Variants in PTPRN2 observed in about 807,000 individuals in gnomAD.
PTPRN2 encodes receptor-type tyrosine-protein phosphatase N2.
A neutral mutation model predicts 118.8 loss-of-function variants in PTPRN2; 74 were observed. That is an observed-to-expected ratio of 0.62 (90% confidence interval 0.52 to 0.76). The LOEUF (loss-of-function observed/expected upper bound fraction) is 0.76. Ranked by LOEUF, PTPRN2 falls within the 30% of genes least tolerant of loss-of-function variation. The pLI is 0.00. For missense variants in PTPRN2, 1,481 were observed against 1,394.4 expected (o/e 1.06, Z -0.99); for synonymous variants, 641 against 608.0 (o/e 1.05, Z -0.80).
intron 1 of PTPRN2, among the ~76,000 whole-genome samples, chr7:158,492,783 A>G (rs150101875): frequency 2.0e-3 from 306 of 152,396 alleles, no homozygotes; most frequent in African/African-American, 7.0e-3. Flanking sequence ...TAAATCATCC[A>G]GAGAAAAGAC....
Position 158,530,301 on chromosome 7 carries a change from T to C in PTPRN2, c.113-40516A>G, listed in dbSNP as rs146216486. On this transcript the variant is annotated intron_variant, in intron 1 of 22. Transcript: ENST00000389418. The stretch of plus-strand genomic sequence containing the variant: ...CAATGAAATTGAATCCAAAATTATT[T>C]TTTGTTTCTCTTCAATACTGATGCT... Among the ~76,000 whole-genome samples the C allele has an allele frequency of 2.7e-3, 416 of 152,332 alleles. 3 individuals carry two copies. The highest frequency in any genetic ancestry group is 9.5e-3 in the African/African-American group (393 of 41,562).
intron 21 of PTPRN2, among the ~76,000 whole-genome samples, chr7:157,556,688 C>T (rs1021816983): frequency 6.6e-6 from 1 of 150,576 alleles, no homozygotes; most frequent in African/African-American, 2.4e-5. Flanking sequence ...GTCACATACA[C>T]ACATGCCCAC....
intron 11 of PTPRN2, among the ~76,000 whole-genome samples, chr7:158,008,501 C>A (rs1805822907): frequency 6.6e-6 from 1 of 152,200 alleles, no homozygotes; most frequent in South Asian, 2.1e-4. Context: ...GCGGAAACAC[C>A]CTCAGGTGCT....
intron 3 of PTPRN2, among the ~76,000 whole-genome samples, chr7:158,306,757 A>C (rs912983228): frequency 2.0e-5 from 3 of 152,222 alleles, no homozygotes; most frequent in Admixed American, 6.5e-5. Flanking sequence ...CATTCAAAGA[A>C]ACATGCAAAT....
intron 12 of PTPRN2, among the ~76,000 whole-genome samples, chr7:157,828,854 C>T (rs1373567558): frequency 6.6e-6 from 1 of 152,226 alleles, no homozygotes; most frequent in Non-Finnish European, 1.5e-5. Flanking sequence ...GTTTTATTTG[C>T]GTAACCCCCT....
rs1255792359 is a variant in PTPRN2, at chr7:158,206,115, G to A, written c.278-842C>T. ...CTAGCTGGCACAACTAAGGGTGCTA[G>A]TGTCACCCTTCCCTCAACCCTAGGC... On this transcript the variant is annotated intron_variant, in intron 3 of 22. Coordinates refer to ENST00000389418, the MANE Select transcript of PTPRN2 (RefSeq NM_002847.5). 1.3e-5 allele frequency among the ~76,000 whole-genome samples: 2 copies of A among 152,182 alleles called. 1 individual carries two copies. Among genetic ancestry groups the A allele is most frequent in the Non-Finnish European group, 2.9e-5 (2 of 68,026 alleles).
intron 3 of PTPRN2, among the ~76,000 whole-genome samples, chr7:158,250,405 T>C (rs7807015): frequency 0.8 from 122,247 of 152,080 alleles, 49,537 homozygotes; most frequent in African/African-American, 0.9. Flanking sequence ...TGAAATGGTA[T>C]CAAAACAAGG....
At chr7:158,523,288 G>A (rs1054729567) in intron 1 of PTPRN2, among the ~76,000 whole-genome samples, 5 of 152,176 alleles carry the variant, frequency 3.3e-5, no homozygotes, top group African/African-American at 1.2e-4. Context: ...CACGGTGAGG[G>A]CTGGTGCGGA....
chr7:158,068,916 T>C (rs1810993455), intron 11 of PTPRN2, among the ~76,000 whole-genome samples: 2 of 152,216 alleles, frequency 1.3e-5, no homozygotes, highest in South Asian at 2.1e-4. Context: ...TAATTGTACA[T>C]CCACCTTTAA....
At chr7:158,331,229 C>T (rs370161100) in intron 2 of PTPRN2, among the ~76,000 whole-genome samples, 95 of 145,298 alleles carry the variant, frequency 6.5e-4, no homozygotes, top group Admixed American at 1.1e-3. Context: ...TAAGAGCTGA[C>T]GCCCGCAGAC....
chr7:158,475,091 T>C (rs1733125), intron 2 of PTPRN2, among the ~76,000 whole-genome samples: 105,135 of 151,942 alleles, frequency 0.69, 36,638 homozygotes, highest in Admixed American at 0.78. Context: ...AACCTTCTCA[T>C]GCAGAAGAGC....
At chr7:157,759,322 T>G (rs1801997207) in intron 12 of PTPRN2, among the ~76,000 whole-genome samples, 2 of 152,228 alleles carry the variant, frequency 1.3e-5, no homozygotes, top group African/African-American at 2.4e-5. Flanking sequence ...TGCACCTGTT[T>G]AGGCAGCATC....
At chr7:157,910,723 T>C (rs1282535038) in intron 11 of PTPRN2, among the ~76,000 whole-genome samples, 3 of 150,566 alleles carry the variant, frequency 2.0e-5, no homozygotes, top group Admixed American at 6.6e-5. Flanking sequence ...TGTGTGTGTG[T>C]GCGAGCGCGC....
In PTPRN2 at chr7:158,110,914, G is replaced by C; in HGVS notation, c.1558C>G (p.Pro520Ala). Residue 520 changes from proline to alanine, a missense_variant and splice_region_variant, in exon 10 of 23, where the codon CCC becomes GCC. Transcript: ENST00000389418. ...CGCCTTCCTTCCTCGGGGCGCAGGG[G>C]GCTGCGGATGACAGCAGGGATGGGG... Reference protein sequence around the residue: ...ARGYIVTDRDPLRPEEGRRLV... With the variant: ...ARGYIVTDRDALRPEEGRRLV... 1 of 1,558,072 alleles carries C rather than the reference G, an allele frequency of 6.4e-7. No individual in the cohort carries two copies. The highest frequency in any genetic ancestry group is 8.7e-7 in the Non-Finnish European group (1 of 1,153,114).
chr7:157,768,622 C>T (rs139700803), intron 12 of PTPRN2, among the ~76,000 whole-genome samples: 1 of 152,302 alleles, frequency 6.6e-6, no homozygotes, highest in East Asian at 1.9e-4. Context: ...TGTTTCTGTT[C>T]AGAAACAAAA....
chr7:158,140,128 A>T (rs568140998), intron 6 of PTPRN2, among the ~76,000 whole-genome samples: 1 of 152,350 alleles, frequency 6.6e-6, no homozygotes, highest in African/African-American at 2.4e-5. Context: ...ACTGATTGTT[A>T]GCAAGGAAAA....
At chr7:158,323,260 G>A (rs1803188014) in intron 2 of PTPRN2, among the ~76,000 whole-genome samples, 1 of 152,132 alleles carries the variant, frequency 6.6e-6, no homozygotes, top group South Asian at 2.1e-4. Context: ...CAGAGTTCTG[G>A]GATGCAACCC....
At chr7:158,121,432 CA>C (rs2150394371) in intron 9 of PTPRN2, among the ~76,000 whole-genome samples, 1 of 152,354 alleles carries the variant, frequency 6.6e-6, no homozygotes, top group South Asian at 2.1e-4. Flanking sequence ...CTACAAACTG[CA>C]AACTCATTGA....
intron 3 of PTPRN2, among the ~76,000 whole-genome samples, chr7:158,229,868 C>A (rs1585911237): frequency 1.3e-5 from 2 of 152,120 alleles, no homozygotes. Flanking sequence ...TTGAGAAAGA[C>A]ATAAACATCT....
Sources: allele counts gnomAD v4.1 joint callset (sites outside exome capture counted in the v4.1 genomes callset), GRCh38; gene constraint gnomAD v4.1.1; transcripts MANE v1.5; gene names NCBI Gene and HGNC (gene_info 2026-07-23, HGNC 2026-07-21).